KLRD1: variants seen among roughly 807,000 people sequenced by gnomAD.
KLRD1 encodes the protein natural killer cells antigen CD94.
KLRD1 carries 21 observed loss-of-function variants against 22.6 expected under a neutral mutation model. That is an observed-to-expected ratio of 0.93 (90% CI 0.66 to 1.34). The LOEUF is 1.34. Ranked by LOEUF, KLRD1 falls within the 40% of genes most tolerant of loss-of-function variation. The pLI, the probability that KLRD1 is intolerant of heterozygous loss-of-function variation, is 0.00. For synonymous variants in KLRD1, 59 were observed against 71.1 expected (o/e 0.83, Z 0.85); for missense variants, 183 against 208.6 (o/e 0.88, Z 0.76).
At chr12:10,306,286 T>C (rs975247171), upstream of KLRD1, among the ~76,000 whole-genome samples, 1 of 151,942 alleles carries the variant, frequency 6.6e-6, no homozygotes, top group African/African-American at 2.4e-5. Context: ...GTGTGTGTGT[T>C]TAGGTATCTT....
upstream of KLRD1, among the ~76,000 whole-genome samples, chr12:10,299,769 C>T (rs534521999): frequency 6.6e-6 from 1 of 152,198 alleles, no homozygotes; most frequent in East Asian, 1.9e-4. Flanking sequence ...TTCTCTGTAG[C>T]ATGTGATGAT....
rs1786236893 is a variant in KLRD1 at position 10,321,157 on chromosome 12, A to C, written c.*6364A>C. On this transcript the variant is annotated 3_prime_UTR_variant, in exon 6 of 6. Transcript: ENST00000336164. ...CCGACATTTGCTATGCTAGATTTTAAATTATTATGCATCAGTGACTCCTTT... is the reference window on the plus strand; with the variant it reads ...CCGACATTTGCTATGCTAGATTTTACATTATTATGCATCAGTGACTCCTTT... 6.6e-6 allele frequency: 1 copy of C among 152,070 alleles called. No individual in the cohort carries two copies. Among genetic ancestry groups the C allele is most frequent in the Non-Finnish European group, 1.5e-5 (1 of 68,024 alleles). 9.4% of individuals were successfully genotyped at this position (152,070 alleles called of 1,614,324 possible). A position where few individuals can be genotyped will look rare whatever the true frequency, so the allele number is the denominator to read the frequency against.
rs201507425 is a variant in KLRD1 at position 10,239,417 on chromosome 12, TTTCCATCCTTCCTTCCTTTCCTTCCTTCC to T, written c.-101+13189_-101+13217del. Among the ~76,000 whole-genome samples, 7 of 55,398 alleles carry T rather than the reference TTTCCATCCTTCCTTCCTTTCCTTCCTTCC, an allele frequency of 1.3e-4. 3 individuals carry two copies. Among genetic ancestry groups the T allele is most frequent in the Non-Finnish European group, 1.8e-4 (5 of 27,970 alleles). 36.3% of individuals were successfully genotyped at this position (55,398 alleles called of 152,430 possible). On this transcript the variant is annotated intron_variant, in intron 1 of 5. Coordinates refer to the KLRD1 transcript ENST00000544747. ...GCAGCAGCATTTCCTTCCTTCCTTC[TTTCCATCCTTCCTTCCTTTCCTTCCTTCC>T]TTCCTTCCTTCCTTCCTTCCTTCCT...
rs572965104 is a variant in KLRD1 at position 10,272,783 on chromosome 12, A to T, written c.-100-35195A>T. 2.0e-5 allele frequency among the ~76,000 whole-genome samples: 3 copies of T among 152,356 alleles called. No homozygotes were observed. The South Asian group carries it at 6.2e-4, about 32-fold the overall frequency. ...AAATTAAAGATAATGTACTCTTACAAATTAAATTTGTTTTTTCTTTTATGT... is the reference window on the plus strand; with the variant it reads ...AAATTAAAGATAATGTACTCTTACATATTAAATTTGTTTTTTCTTTTATGT... On this transcript the variant is annotated intron_variant, in intron 1 of 5. Coordinates refer to the KLRD1 transcript ENST00000544747.
intron 1 of KLRD1, among the ~76,000 whole-genome samples, chr12:10,287,760 C>T (rs76083818): frequency 0.016 from 2,426 of 152,062 alleles, 53 homozygotes; most frequent in African/African-American, 0.054. Context: ...TGTCTAAATA[C>T]GGATTTTTAC....
At chr12:10,278,175 A>G (rs575334198) in intron 1 of KLRD1, among the ~76,000 whole-genome samples, 8 of 152,208 alleles carry the variant, frequency 5.3e-5, no homozygotes, top group Non-Finnish European at 1.0e-4. Flanking sequence ...CAGATTAACT[A>G]CAATGGATAT....
chr12:10,314,616 G>T lies in KLRD1; in HGVS notation c.420-57G>T. Reference sequence around the variant, plus strand: ...AATTTATATCATTTAATTGAAAAATGCCCTGAACATTCTTACTTCCTTTTT... The same window carrying T: ...AATTTATATCATTTAATTGAAAAATTCCCTGAACATTCTTACTTCCTTTTT... On this transcript the variant is annotated intron_variant, in intron 5 of 5. Coordinates refer to ENST00000336164, the MANE Select transcript of KLRD1 (RefSeq NM_002262.5). 6.9e-6 allele frequency: 10 copies of T among 1,442,542 alleles called. 1 individual carries two copies. The highest frequency in any genetic ancestry group is 9.2e-6 in the Non-Finnish European group (10 of 1,084,760). The allele number at this position is 1,442,542 out of a possible 1,614,324, so 89.4% of individuals were successfully genotyped here.
intron 1 of KLRD1, among the ~76,000 whole-genome samples, chr12:10,269,220 G>A (rs12302058): frequency 0.13 from 19,839 of 151,788 alleles, 1,753 homozygotes; most frequent in Non-Finnish European, 0.2. Flanking sequence ...GTGTGATTTC[G>A]GCTCACTGCA....
chr12:10,239,564 T>C lies in KLRD1; in HGVS notation c.-101+13331T>C, dbSNP rs1215758118. ...CTTTCTTTCTTTCTTTCTTTCTTTC[T>C]TTCTTTCTTTCTTTCTTTCTTTTTC... is the stretch of plus-strand genomic sequence containing the variant. On this transcript the variant is annotated intron_variant, in intron 1 of 5. Transcript: ENST00000544747. Among the ~76,000 whole-genome samples the C allele has an allele frequency of 3.9e-5, 5 of 126,868 alleles. 1 individual carries two copies. The highest frequency in any genetic ancestry group is 5.4e-4 in the East Asian group (2 of 3,694). 83.2% of individuals were successfully genotyped at this position (126,868 alleles called of 152,430 possible).
chr12:10,262,842 T>A (rs1949466100), intron 1 of KLRD1, among the ~76,000 whole-genome samples: 1 of 152,088 alleles, frequency 6.6e-6, no homozygotes, highest in African/African-American at 2.4e-5. Context: ...AATTGTAAAT[T>A]ATCATTTGCA....
rs1223362066 is a variant in KLRD1, at chr12:10,325,066, C to T, written c.*10273C>T. 2 of 151,594 alleles carry T rather than the reference C, an allele frequency of 1.3e-5. No individual in the cohort carries two copies. The highest frequency in any genetic ancestry group is 4.1e-4 in the South Asian group (2 of 4,822). 9.4% of individuals were successfully genotyped at this position (151,594 alleles called of 1,614,324 possible). A position where few individuals can be genotyped will look rare whatever the true frequency, so the allele number is the denominator to read the frequency against. ...AAGTTGAATACAAGTGGTGAGTAAACACCCTTGTTTTGCTATTGATCTTAG... is the reference window on the plus strand; with the variant it reads ...AAGTTGAATACAAGTGGTGAGTAAATACCCTTGTTTTGCTATTGATCTTAG... On this transcript the variant is annotated 3_prime_UTR_variant, in exon 6 of 6. Coordinates refer to ENST00000336164, the MANE Select transcript of KLRD1 (RefSeq NM_002262.5).
At position 10,316,775 on chromosome 12, in the gene KLRD1, T is replaced by C. The variant is rs1460979387; in HGVS notation, c.*1982T>C. The C allele has an allele frequency of 1.3e-5, 2 of 152,196 alleles. No individual in the cohort carries two copies. The highest frequency in any genetic ancestry group is 1.3e-4 in the Admixed American group (2 of 15,268). The allele number at this position is 152,196 out of a possible 1,614,324, so 9.4% of individuals were successfully genotyped here. ...GCTAGGACAAGTAATTATTATTTTA[T>C]TTTATTTTACTTTAAGTTCTGGGTT... On this transcript the variant is annotated 3_prime_UTR_variant, in exon 6 of 6. Transcript: ENST00000336164.
chr12:10,284,036 A>AG (rs2137657552), intron 1 of KLRD1, among the ~76,000 whole-genome samples: 1 of 146,970 alleles, frequency 6.8e-6, no homozygotes, highest in East Asian at 2.2e-4. Context: ...AAAAAAAAAA[A>AG]AATAGCTGGG....
intron 1 of KLRD1, among the ~76,000 whole-genome samples, chr12:10,271,163 A>G (rs1224729406): frequency 2.6e-5 from 4 of 151,436 alleles, no homozygotes; most frequent in African/African-American, 7.3e-5. Flanking sequence ...CAAAACTCCA[A>G]CTTTTGCTGT....
rs1176644648 is a variant in KLRD1, at chr12:10,325,327, CT to C, written c.*10537del. 1 of 152,012 alleles carries C rather than the reference CT, an allele frequency of 6.6e-6. No individual in the cohort carries two copies. The allele number at this position is 152,012 out of a possible 1,614,324, so 9.4% of individuals were successfully genotyped here. On this transcript the variant is annotated 3_prime_UTR_variant, in exon 6 of 6. Coordinates refer to ENST00000336164, the MANE Select transcript of KLRD1 (RefSeq NM_002262.5). Reference sequence around the variant, plus strand: ...TGTTCATGTTATCTTTTTTACGTATCTTTGCAGATGCTTTGCTAATTTTTTA... The same window carrying C: ...TGTTCATGTTATCTTTTTTACGTATCTTGCAGATGCTTTGCTAATTTTTTA...
At chr12:10,308,233 T>C (rs2137688993) in intron 1 of KLRD1, 149 bp downstream of exon 1, 1 of 657,508 alleles carries the variant, frequency 1.5e-6, no homozygotes, top group South Asian at 1.8e-5. Flanking sequence ...TCCACATTCA[T>C]TATATTTTCC....
chr12:10,274,536 A>G (rs911563740), intron 1 of KLRD1, among the ~76,000 whole-genome samples: 5 of 152,162 alleles, frequency 3.3e-5, no homozygotes, highest in African/African-American at 9.7e-5. Flanking sequence ...CTTTAACACA[A>G]TTAGATTAAA....
Position 10,329,136 on chromosome 12 carries a change from C to T in KLRD1, c.*14343C>T, listed in dbSNP as rs1950388280. ...TTGAGACCTTTCTTTTTTCTTAATGCAGATATTCATCACTATAAACTTTTC... is the reference window on the plus strand; with the variant it reads ...TTGAGACCTTTCTTTTTTCTTAATGTAGATATTCATCACTATAAACTTTTC... On this transcript the variant is annotated 3_prime_UTR_variant, in exon 6 of 6. Coordinates refer to ENST00000336164, the MANE Select transcript of KLRD1 (RefSeq NM_002262.5). 1 of 152,148 alleles carries T rather than the reference C, an allele frequency of 6.6e-6. No individual in the cohort carries two copies. The highest frequency in any genetic ancestry group is 1.5e-5 in the Non-Finnish European group (1 of 68,018). 9.4% of individuals were successfully genotyped at this position (152,148 alleles called of 1,614,324 possible).
At chr12:10,290,652 TAAAC>T (rs761766675) in intron 1 of KLRD1, among the ~76,000 whole-genome samples, 7 of 152,076 alleles carry the variant, frequency 4.6e-5, no homozygotes, top group African/African-American at 7.2e-5. Context: ...TCTCCCCTAA[TAAAC>T]AAACTTATTA....
Sources: allele counts gnomAD v4.1 joint callset (sites outside exome capture counted in the v4.1 genomes callset), GRCh38; gene constraint gnomAD v4.1.1; transcripts MANE v1.5; gene names NCBI Gene and HGNC (gene_info 2026-07-23, HGNC 2026-07-21).